CATSPERE: variants seen among roughly 807,000 people sequenced by gnomAD.
CATSPERE encodes the protein catsper channel auxiliary subunit epsilon.
A neutral mutation model predicts 114.1 loss-of-function variants in CATSPERE; 93 were observed. That is an observed-to-expected ratio of 0.81 (90% CI 0.69 to 0.97). The LOEUF (loss-of-function observed/expected upper bound fraction) is 0.97, where lower values mean the gene tolerates loss of function less well. Among genes scored for constraint, CATSPERE ranks in the 50% least tolerant of loss-of-function variants. CATSPERE has a pLI of 0.00. For missense variants in CATSPERE, 1,058 were observed against 1,131.6 expected, an observed-to-expected ratio of 0.93 and a Z score of 0.93; for synonymous variants, 341 against 384.1, an observed-to-expected ratio of 0.89 and a Z score of 1.31.
Position 244,607,024 on chromosome 1 carries a change from A to G in CATSPERE, c.2403+1230A>G, listed in dbSNP as rs1220304143. 6.6e-6 allele frequency among the ~76,000 whole-genome samples: 1 copy of G among 152,034 alleles called. No homozygotes were observed. Among genetic ancestry groups the G allele is most frequent in the Non-Finnish European group, 1.5e-5 (1 of 67,998 alleles). On this transcript the variant is annotated intron_variant, in intron 18 of 21. Transcript: ENST00000366534. The surrounding 1 kb of genome is among the most constrained non-coding windows in gnomAD (Gnocchi z 4.4). ...CTCTGCACAGTCTCATCCCTATACT[A>G]TTGTATCCATCTTCTCCCTTGGTCC...
intron 7 of CATSPERE, among the ~76,000 whole-genome samples, chr1:244,508,766 A>G (rs1019659582): frequency 3.3e-5 from 5 of 150,130 alleles, no homozygotes; most frequent in Admixed American, 6.6e-5. Flanking sequence ...TGGGAGGTCA[A>G]GGTGGTGTGG....
intron 8 of CATSPERE, among the ~76,000 whole-genome samples, chr1:244,543,711 T>C (rs1205709942): frequency 3.3e-5 from 5 of 150,358 alleles, no homozygotes; most frequent in African/African-American, 1.2e-4. Context: ...CAGTGTGCAT[T>C]CAGCCCTTTT....
chr1:244,500,757 A>G (rs987755539), intron 7 of CATSPERE, among the ~76,000 whole-genome samples: 6 of 152,300 alleles, frequency 3.9e-5, no homozygotes, highest in African/African-American at 1.4e-4. Flanking sequence ...GCTTTGTAGT[A>G]TAGTTTCAAG....
chr1:244,606,793 G>C (rs1670064721), intron 18 of CATSPERE, among the ~76,000 whole-genome samples: 1 of 151,676 alleles, frequency 6.6e-6, no homozygotes, highest in Non-Finnish European at 1.5e-5. Context: ...GTGGAGATAG[G>C]GTTTCACCAT....
Position 244,591,705 on chromosome 1 carries a change from C to T in CATSPERE, c.2163C>T (p.His721=), listed in dbSNP as rs779940330. The stretch of plus-strand genomic sequence containing the variant: ...GATTTAGTAAAAAAGGATGTCATCA[C>T]CATGATTTTTCATACGTGATTGAAA... ...IKGFSKKGCH[H]HDFSYVIEKS... Residue 721 remains histidine (H), a synonymous_variant, in exon 15 of 22, where the codon CAC becomes CAT. Coordinates refer to ENST00000366534, the MANE Select transcript of CATSPERE (RefSeq NM_001130957.2). The T allele has an allele frequency of 6.6e-7, 1 of 1,516,564 alleles. No homozygotes were observed. Among genetic ancestry groups the T allele is most frequent in the Non-Finnish European group, 9.1e-7 (1 of 1,100,718 alleles). 93.9% of individuals were successfully genotyped at this position (1,516,564 alleles called of 1,614,324 possible). A position where few individuals can be genotyped will look rare whatever the true frequency, so the allele number is the denominator to read the frequency against.
chr1:244,579,949 G>A (rs530313779), intron 11 of CATSPERE, among the ~76,000 whole-genome samples: 23 of 152,146 alleles, frequency 1.5e-4, no homozygotes, highest in African/African-American at 3.4e-4. Context: ...AGCACCTGGC[G>A]CATACTAAGT....
chr1:244,558,765 CTCTCCTTCTCCT>C (rs575004511), intron 9 of CATSPERE, among the ~76,000 whole-genome samples: 1 of 152,090 alleles, frequency 6.6e-6, no homozygotes, highest in Non-Finnish European at 1.5e-5. Flanking sequence ...CTGCACTCCC[CTCTCCTTCTCCT>C]TCTCCTTCTC....
At chr1:244,513,019 G>C (rs1676018005) in intron 7 of CATSPERE, among the ~76,000 whole-genome samples, 1 of 152,200 alleles carries the variant, frequency 6.6e-6, no homozygotes, top group Non-Finnish European at 1.5e-5. Flanking sequence ...GCCTACATGG[G>C]CACTAGTAGT....
rs1670194834 is a variant in CATSPERE at position 244,607,814 on chromosome 1, T to G, written c.2403+2020T>G. Among the ~76,000 whole-genome samples, 1 of 152,192 alleles carries G rather than the reference T, an allele frequency of 6.6e-6. No homozygotes were observed. The highest frequency in any genetic ancestry group is 1.5e-5 in the Non-Finnish European group (1 of 68,034). The stretch of plus-strand genomic sequence containing the variant: ...GACATCTGCACTGGGCTATATGTGA[T>G]CAAGAATTAAACTTGTTGGCTAGGC... On this transcript the variant is annotated intron_variant, in intron 18 of 21. Transcript: ENST00000366534. The surrounding 1 kb of genome is among the most constrained non-coding windows in gnomAD (Gnocchi z 4.4).
intron 8 of CATSPERE, among the ~76,000 whole-genome samples, chr1:244,548,956 C>T (rs1261910695): frequency 2.0e-5 from 3 of 152,156 alleles, no homozygotes; most frequent in Non-Finnish European, 4.4e-5. Flanking sequence ...CTCTGCTGGC[C>T]TACCACCTCA....
intron 8 of CATSPERE, among the ~76,000 whole-genome samples, chr1:244,545,194 A>G (rs886524756): frequency 5.9e-5 from 9 of 152,216 alleles, no homozygotes; most frequent in Admixed American, 5.9e-4. Context: ...TACCTCAGTG[A>G]AATTTCTTGC....
chr1:244,630,623 G>T (rs1021125512), intron 20 of CATSPERE, among the ~76,000 whole-genome samples: 2 of 152,180 alleles, frequency 1.3e-5, no homozygotes, highest in African/African-American at 2.4e-5. Context: ...GGTGTTGCAG[G>T]TTCCCTGGAA....
At chr1:244,532,061 G>T (rs538327077) in intron 8 of CATSPERE, among the ~76,000 whole-genome samples, 8 of 152,232 alleles carry the variant, frequency 5.3e-5, no homozygotes, top group African/African-American at 1.9e-4. Context: ...TTGGTAGGTT[G>T]TATGTGTCTA....
intron 13 of CATSPERE, among the ~76,000 whole-genome samples, chr1:244,585,180 G>A (rs1409279518): frequency 5.3e-5 from 8 of 152,226 alleles, no homozygotes; most frequent in African/African-American, 1.9e-4. Context: ...GCTTGGGTAG[G>A]CTACTTACTC....
intron 8 of CATSPERE, among the ~76,000 whole-genome samples, chr1:244,529,900 TA>T (rs1270525128): frequency 6.6e-6 from 1 of 152,124 alleles, no homozygotes; most frequent in East Asian, 1.9e-4. Context: ...TGGCAAGAGA[TA>T]GGGGTCTAGT....
intron 9 of CATSPERE, among the ~76,000 whole-genome samples, chr1:244,555,320 G>A (rs1290461120): frequency 6.6e-6 from 1 of 151,304 alleles, no homozygotes; most frequent in Non-Finnish European, 1.5e-5. Flanking sequence ...GGGAGGCAGA[G>A]GTTACAGTGA....
chr1:244,488,443 C>T (rs1290946035), intron 5 of CATSPERE, among the ~76,000 whole-genome samples: 2 of 152,100 alleles, frequency 1.3e-5, no homozygotes, highest in African/African-American at 2.4e-5. Context: ...GTTTTCTCTT[C>T]GGTCTTATTC....
In CATSPERE at chr1:244,479,351, C is replaced by T. The variant is rs2148158291; in HGVS notation, c.259-366C>T. On this transcript the variant is annotated intron_variant, in intron 4 of 21. Transcript: ENST00000366534. ...CAGGTGATCCACCCACCTCGGCCTC[C>T]CAAAGTGCTGGGATTACAGGTGTGA... is the stretch of plus-strand genomic sequence containing the variant. Among the ~76,000 whole-genome samples the T allele has an allele frequency of 2.0e-5, 3 of 152,214 alleles. No homozygotes were observed. The Middle Eastern group carries it at 0.01, about 521-fold the overall frequency.
In CATSPERE at chr1:244,635,390, G is replaced by A. The variant is rs554493084; in HGVS notation, c.2649-99G>A. 1.3e-5 allele frequency: 11 copies of A among 817,504 alleles called. No individual in the cohort carries two copies. The East Asian group carries it at 2.6e-4, about 20-fold the overall frequency. The allele number at this position is 817,504 out of a possible 1,614,324, so 50.6% of individuals were successfully genotyped here. On this transcript the variant is annotated intron_variant, in intron 20 of 21. Coordinates refer to ENST00000366534, the MANE Select transcript of CATSPERE (RefSeq NM_001130957.2). ...TGTCAAGAAAATGACACCTTAACTA[G>A]GATTATATATGGTTTGATTGTTACC... is the stretch of plus-strand genomic sequence containing the variant.
Sources: allele counts gnomAD v4.1 joint callset (sites outside exome capture counted in the v4.1 genomes callset), GRCh38; gene constraint gnomAD v4.1.1; non-coding constraint Gnocchi (gnomAD v3.1); transcripts MANE v1.5; gene names NCBI Gene and HGNC (gene_info 2026-07-23, HGNC 2026-07-21).